PRKCE: variants seen among roughly 807,000 people sequenced by gnomAD.
The protein encoded by PRKCE is protein kinase C epsilon, also known as protein kinase C epsilon type.
Under a neutral mutation model 85.4 loss-of-function variants are expected in PRKCE, and 16 were observed. That is an observed-to-expected ratio of 0.19 (90% CI 0.13 to 0.28). The LOEUF (loss-of-function observed/expected upper bound fraction) is 0.28. Ranked by LOEUF, PRKCE falls within the 10% of genes least tolerant of loss-of-function variation. The pLI, the probability that PRKCE is intolerant of heterozygous loss-of-function variation, is 1.00. For synonymous variants in PRKCE, 388 were observed against 371.5 expected (o/e 1.04, Z -0.51); for missense variants, 573 against 975.2 (o/e 0.59, Z 5.49).
chr2:45,803,098 G>A (rs1460656989), intron 1 of PRKCE, among the ~76,000 whole-genome samples: 1 of 152,140 alleles, frequency 6.6e-6, no homozygotes, highest in Non-Finnish European at 1.5e-5. Flanking sequence ...ATATTCCAAA[G>A]CAATCTTAAA....
At chr2:46,013,037 T>C (rs1705820900) in intron 10 of PRKCE, among the ~76,000 whole-genome samples, 1 of 152,228 alleles carries the variant, frequency 6.6e-6, no homozygotes, top group Admixed American at 6.5e-5. Flanking sequence ...AACTCTCTCA[T>C]GCCACCTCAG....
At chr2:45,733,147 T>C in intron 1 of PRKCE, among the ~76,000 whole-genome samples, 1 of 152,230 alleles carries the variant, frequency 6.6e-6, no homozygotes, top group Non-Finnish European at 1.5e-5. Flanking sequence ...GAGAGTTTAC[T>C]CCTCTCTCAG....
chr2:46,132,934 G>A (rs569535639), intron 11 of PRKCE, among the ~76,000 whole-genome samples: 19 of 152,274 alleles, frequency 1.2e-4, no homozygotes, highest in South Asian at 8.3e-4. Flanking sequence ...GCAGGAAGAC[G>A]TGCCTTCCCT....
At chr2:45,903,886 T>G (rs1696759249) in intron 2 of PRKCE, among the ~76,000 whole-genome samples, 1 of 103,664 alleles carries the variant, frequency 9.6e-6, no homozygotes, top group Admixed American at 9.5e-5. Context: ...TGGCAGTTTT[T>G]TTTTGTTTGT....
chr2:46,150,274 A>C (rs1386078487), intron 12 of PRKCE, among the ~76,000 whole-genome samples: 1 of 152,240 alleles, frequency 6.6e-6, no homozygotes, highest in Non-Finnish European at 1.5e-5. Context: ...GACCATTGTC[A>C]AAGACAAAAT....
chr2:45,673,214 T>C (rs1676260669), intron 1 of PRKCE, among the ~76,000 whole-genome samples: 1 of 152,212 alleles, frequency 6.6e-6, no homozygotes, highest in South Asian at 2.1e-4. Context: ...ATTCTTCCTT[T>C]CAAGTTGTAA....
At chr2:46,006,983 A>G (rs1329163603) in intron 8 of PRKCE, among the ~76,000 whole-genome samples, 1 of 152,236 alleles carries the variant, frequency 6.6e-6, no homozygotes, top group African/African-American at 2.4e-5. Context: ...ACCTTCAGTG[A>G]TCAGCCACCG....
intron 2 of PRKCE, among the ~76,000 whole-genome samples, chr2:45,885,734 A>G (rs911660754): frequency 5.3e-5 from 8 of 152,208 alleles, no homozygotes; most frequent in African/African-American, 1.2e-4. Flanking sequence ...GGCAACTCCT[A>G]TGATTTCATA....
At chr2:45,809,601 C>T (rs913941799) in intron 1 of PRKCE, among the ~76,000 whole-genome samples, 3 of 151,638 alleles carry the variant, frequency 2.0e-5, no homozygotes, top group African/African-American at 4.8e-5. Context: ...AGTCTGGGTA[C>T]GGTCGGGCAC....
chr2:45,944,655 A>ATTT lies in PRKCE; in HGVS notation c.413-31749_413-31747dup, dbSNP rs71394861. Among the ~76,000 whole-genome samples, 551 of 75,584 alleles carry ATTT rather than the reference A, an allele frequency of 7.3e-3. 70 individuals carry two copies. The highest frequency in any genetic ancestry group is 0.055 in the East Asian group (165 of 2,998). The allele number at this position is 75,584 out of a possible 152,430, so 49.6% of individuals were successfully genotyped here. The stretch of plus-strand genomic sequence containing the variant: ...AGGTGCGTGCCACCATACCCGGCTA[A>ATTT]TTTTTTTTTTTTTTTTTTTTTTTTT... On this transcript the variant is annotated intron_variant, in intron 2 of 14. Transcript: ENST00000306156.
At chr2:45,740,820 T>G (rs1424102038) in intron 1 of PRKCE, among the ~76,000 whole-genome samples, 1 of 152,238 alleles carries the variant, frequency 6.6e-6, no homozygotes, top group African/African-American at 2.4e-5. Context: ...CACAGTTGTT[T>G]GAAAGTGCAG....
chr2:45,984,759 A>T, intron 6 of PRKCE, 79 bp downstream of exon 6: 1 of 1,525,528 alleles, frequency 6.6e-7, no homozygotes, highest in South Asian at 1.2e-5. Flanking sequence ...CTTTATAAAA[A>T]ACCCTTGTCT....
In PRKCE at chr2:46,145,037, A is replaced by T. The variant is rs1334350719; in HGVS notation, c.1593-56A>T. On this transcript the variant is annotated intron_variant, in intron 11 of 14. Coordinates refer to ENST00000306156, the MANE Select transcript of PRKCE (RefSeq NM_005400.3). The surrounding 1 kb of genome is among the most constrained non-coding windows in gnomAD (Gnocchi z 4.6). ...GATAGGCACATACCTCCAACTCAGG[A>T]AGACTATATTGGGGTGAGTGACGTA... is the stretch of plus-strand genomic sequence containing the variant. The T allele has an allele frequency of 1.9e-6, 3 of 1,590,086 alleles. No homozygotes were observed. In the African/African-American group the frequency reaches 4.0e-5, roughly 21 times the overall value.
Position 45,967,598 on chromosome 2 carries a change from G to A in PRKCE, c.413-8831G>A, listed in dbSNP as rs60796670. Among the ~76,000 whole-genome samples the A allele has an allele frequency of 2.4e-3, 368 of 152,234 alleles. 5 individuals are homozygous for A. The highest frequency in any genetic ancestry group is 8.5e-3 in the African/African-American group (355 of 41,536). ...GAATTTAGGACTGCCCCAAGTCTCA[G>A]GAATCAAATAATATTGTAATGTAGT... On this transcript the variant is annotated intron_variant, in intron 2 of 14. Coordinates refer to ENST00000306156, the MANE Select transcript of PRKCE (RefSeq NM_005400.3).
chr2:46,103,052 C>T (rs1466555171), intron 11 of PRKCE, among the ~76,000 whole-genome samples: 3 of 152,198 alleles, frequency 2.0e-5, no homozygotes, highest in Admixed American at 6.5e-5. Context: ...AGAATTCTTC[C>T]ACCCATGTGC....
chr2:45,761,976 C>T (rs1174583084), intron 1 of PRKCE, among the ~76,000 whole-genome samples: 2 of 152,166 alleles, frequency 1.3e-5, no homozygotes, highest in Admixed American at 6.5e-5. Flanking sequence ...GGAGTTACTG[C>T]AGATCAGGCA....
At chr2:45,970,974 G>A (rs530487097) in intron 2 of PRKCE, among the ~76,000 whole-genome samples, 4 of 151,632 alleles carry the variant, frequency 2.6e-5, no homozygotes, top group African/African-American at 4.8e-5. Context: ...TCAGACACAC[G>A]CATATTACCT....
intron 11 of PRKCE, among the ~76,000 whole-genome samples, chr2:46,130,636 C>T (rs1281885403): frequency 2.0e-5 from 3 of 152,196 alleles, no homozygotes; most frequent in African/African-American, 7.2e-5. Flanking sequence ...ACATTCCTTT[C>T]TTCAGTTTGT....
At chr2:46,152,732 A>G (rs1416199993) in intron 13 of PRKCE, among the ~76,000 whole-genome samples, 11 of 151,858 alleles carry the variant, frequency 7.2e-5, no homozygotes, top group African/African-American at 2.7e-4. Context: ...TATTTTTAGT[A>G]GAGATGGGGT....
Sources: gnomAD v4.1 joint callset for allele counts (sites outside exome capture counted in the v4.1 genomes callset) on GRCh38, gnomAD v4.1.1 for gene constraint, Gnocchi (gnomAD v3.1) non-coding constraint, MANE v1.5 for transcripts, NCBI Gene and HGNC (gene_info 2026-07-23, HGNC 2026-07-21) for gene names.